Variants in TRPM7 observed in about 807,000 individuals in gnomAD.
TRPM7 encodes the protein LTRPC ion channel family member 7.
Under a neutral mutation model 229.7 loss-of-function variants are expected in TRPM7, and 134 were observed. The ratio of observed to expected loss-of-function variants is 0.58; its 90% CI spans 0.51 to 0.67. TRPM7 has a LOEUF of 0.67. Ranked by LOEUF, TRPM7 falls within the 30% of genes least tolerant of loss-of-function variation. TRPM7 has a pLI of 0.00. For missense variants in TRPM7, 1,901 were observed against 2,210.0 expected, an observed-to-expected ratio of 0.86 and a Z score of 2.80; for synonymous variants, 699 against 715.2, an observed-to-expected ratio of 0.98 and a Z score of 0.36.
chr15:50,613,603 G>C (rs767254957), intron 15 of TRPM7, 104 bp downstream of exon 15: 2 of 1,043,672 alleles, frequency 1.9e-6, no homozygotes, highest in African/African-American at 1.7e-5. Flanking sequence ...AAAAACGAAA[G>C]GTAATTCTTA....
Position 50,639,564 on chromosome 15 carries a change from G to A in TRPM7, c.536-16C>T. 6.3e-7 allele frequency: 1 copy of A among 1,597,464 alleles called. No homozygotes were observed. The highest frequency in any genetic ancestry group is 8.5e-7 in the Non-Finnish European group (1 of 1,172,674). On this transcript the variant is annotated splice_polypyrimidine_tract_variant and intron_variant, in intron 5 of 38. Coordinates refer to ENST00000646667, the MANE Select transcript of TRPM7 (RefSeq NM_017672.6). ...TTTGCCACACCTGTTCATAAAAAAA[G>A]TTTATTCATTTTGTTTTTTTTATTT...
chr15:50,678,237 CT>C lies in TRPM7; in HGVS notation c.3+8293del, dbSNP rs1396927567. Among the ~76,000 whole-genome samples, 3 of 98,196 alleles carry C rather than the reference CT, an allele frequency of 3.1e-5. 1 individual carries two copies. The highest frequency in any genetic ancestry group is 1.1e-4 in the African/African-American group (3 of 27,608). 64.4% of individuals were successfully genotyped at this position (98,196 alleles called of 152,430 possible). On this transcript the variant is annotated intron_variant, in intron 1 of 38. Coordinates refer to ENST00000646667, the MANE Select transcript of TRPM7 (RefSeq NM_017672.6). ...CCTGGGCAACAGAGTGAGACTCTCTCTCAAAAAAAAAAAACAAAAACAAAAA... is the reference window on the plus strand; with the variant it reads ...CCTGGGCAACAGAGTGAGACTCTCTCCAAAAAAAAAAAACAAAAACAAAAA...
intron 38 of TRPM7, among the ~76,000 whole-genome samples, chr15:50,565,424 T>C (rs1310155175): frequency 1.3e-5 from 2 of 152,116 alleles, no homozygotes; most frequent in Non-Finnish European, 2.9e-5. Flanking sequence ...GATGAAAACA[T>C]TAATCAAAAG....
intron 28 of TRPM7, among the ~76,000 whole-genome samples, chr15:50,583,723 T>A (rs909226291): frequency 6.6e-6 from 1 of 152,140 alleles, no homozygotes; most frequent in African/African-American, 2.4e-5. Flanking sequence ...ATTACAGGCA[T>A]GTGCCACCAT....
chr15:50,686,371 G>A (rs1303772039), intron 1 of TRPM7, among the ~76,000 whole-genome samples, 160 bp downstream of exon 1: 1 of 152,178 alleles, frequency 6.6e-6, no homozygotes, highest in Non-Finnish European at 1.5e-5. Context: ...AGAACGAACT[G>A]CACACCCGTC....
At chr15:50,581,012 G>T in intron 29 of TRPM7, 104 bp from the exon 30 acceptor site, 1 of 1,039,240 alleles carries the variant, frequency 9.6e-7, no homozygotes, top group East Asian at 2.5e-5. Flanking sequence ...AGAATGAAAG[G>T]CCAAAAAACT....
intron 1 of TRPM7, among the ~76,000 whole-genome samples, chr15:50,674,874 T>A: frequency 6.6e-6 from 1 of 152,184 alleles, no homozygotes; most frequent in Non-Finnish European, 1.5e-5. Context: ...CTACATCCCA[T>A]AGTTTTGGGT....
At chr15:50,601,888 C>G (rs774949488) in intron 21 of TRPM7, among the ~76,000 whole-genome samples, 11 of 151,042 alleles carry the variant, frequency 7.3e-5, no homozygotes, top group Non-Finnish European at 1.5e-4. Context: ...TTATTGTCTT[C>G]AAGCTTTTCA....
At chr15:50,665,466 C>G (rs998831) in intron 1 of TRPM7, among the ~76,000 whole-genome samples, 22,327 of 151,614 alleles carry the variant, frequency 0.15, 2,214 homozygotes, top group Admixed American at 0.28. Context: ...CACTGGGTAT[C>G]TGGCAGATCA....
At chr15:50,601,149 A>G (rs2059770302) in intron 21 of TRPM7, among the ~76,000 whole-genome samples, 1 of 152,246 alleles carries the variant, frequency 6.6e-6, no homozygotes, top group Admixed American at 6.5e-5. Context: ...GCCAAGTCAA[A>G]TATTCCAAAT....
chr15:50,601,591 C>T (rs1184744690), intron 21 of TRPM7, among the ~76,000 whole-genome samples: 3 of 152,034 alleles, frequency 2.0e-5, no homozygotes, highest in Non-Finnish European at 1.5e-5. Flanking sequence ...GCAGTGAGCA[C>T]AGATCGCGCC....
intron 25 of TRPM7, 135 bp from the exon 26 acceptor site, chr15:50,592,761 T>C: frequency 1.6e-6 from 1 of 621,252 alleles, no homozygotes; most frequent in Non-Finnish European, 2.7e-6. Context: ...AAGGTACAGT[T>C]ATTTAATTAT....
intron 28 of TRPM7, among the ~76,000 whole-genome samples, chr15:50,583,474 T>TA (rs2054525945): frequency 6.6e-6 from 1 of 152,168 alleles, no homozygotes; most frequent in South Asian, 2.1e-4. Context: ...CTTCCTGGGA[T>TA]ATTTGTATGT....
At chr15:50,604,581 A>G in intron 21 of TRPM7, 1 of 197,268 alleles carries the variant, frequency 5.1e-6, no homozygotes, top group African/African-American at 2.3e-5. Flanking sequence ...AAAAAGAAAA[A>G]AAAAAAAAAA....
intron 30 of TRPM7, among the ~76,000 whole-genome samples, chr15:50,579,627 C>T (rs2054306578): frequency 6.6e-6 from 1 of 152,120 alleles, no homozygotes; most frequent in Non-Finnish European, 1.5e-5. Context: ...TTTGTACTTA[C>T]ATCCCATGGC....
At chr15:50,658,693 A>C (rs2061649756) in intron 2 of TRPM7, among the ~76,000 whole-genome samples, 1 of 152,234 alleles carries the variant, frequency 6.6e-6, no homozygotes, top group African/African-American at 2.4e-5. Flanking sequence ...TCAAAATAAA[A>C]AACGTTGACT....
At chr15:50,617,766 C>A (rs929252653) in intron 13 of TRPM7, among the ~76,000 whole-genome samples, 5 of 151,854 alleles carry the variant, frequency 3.3e-5, no homozygotes, top group African/African-American at 9.7e-5. Flanking sequence ...TCCCTCAGTG[C>A]CCCCCACACC....
intron 1 of TRPM7, among the ~76,000 whole-genome samples, chr15:50,667,181 T>C (rs1482800517): frequency 3.3e-5 from 5 of 152,140 alleles, no homozygotes; most frequent in Admixed American, 1.3e-4. Context: ...TCTCTGCATG[T>C]CTGGATCAGA....
intron 1 of TRPM7, among the ~76,000 whole-genome samples, chr15:50,673,495 C>T (rs1288937936): frequency 6.6e-6 from 1 of 152,114 alleles, no homozygotes; most frequent in Admixed American, 6.6e-5. Context: ...AGCTCAGCTC[C>T]CACTTATGAG....
Sources: gnomAD v4.1 joint callset for allele counts (sites outside exome capture counted in the v4.1 genomes callset) on GRCh38, gnomAD v4.1.1 for gene constraint, MANE v1.5 for transcripts, NCBI Gene and HGNC (gene_info 2026-07-23, HGNC 2026-07-21) for gene names.